GRIA1: variants seen among roughly 807,000 people sequenced by gnomAD.
GRIA1 encodes the protein glutamate receptor 1.
In GRIA1, 31 loss-of-function variants were observed where a neutral mutation model predicts 99.2. The ratio of observed to expected loss-of-function variants is 0.31; its 90% CI spans 0.23 to 0.42. GRIA1 has a LOEUF of 0.42. GRIA1 is among the 10% of genes least tolerant of loss of function. The pLI is 1.00. For synonymous variants in GRIA1, 438 were observed against 432.4 expected, an observed-to-expected ratio of 1.01 and a Z score of -0.16; for missense variants, 782 against 1,157.5, an observed-to-expected ratio of 0.68 and a Z score of 4.71.
chr5:153,517,433 G>A (rs150309043), intron 2 of GRIA1, among the ~76,000 whole-genome samples: 22 of 152,260 alleles, frequency 1.4e-4, no homozygotes, highest in Non-Finnish European at 2.5e-4. Flanking sequence ...GCACAGCTTT[G>A]GAAATCAGGG....
intron 10 of GRIA1, among the ~76,000 whole-genome samples, chr5:153,700,555 A>C (rs1758441500): frequency 6.6e-6 from 1 of 152,206 alleles, no homozygotes; most frequent in Non-Finnish European, 1.5e-5. Flanking sequence ...TGAGTAAAAA[A>C]TAGCAAGAGG....
At chr5:153,563,330 G>C (rs1761322066) in intron 2 of GRIA1, among the ~76,000 whole-genome samples, 1 of 152,180 alleles carries the variant, frequency 6.6e-6, no homozygotes, top group Admixed American at 6.5e-5. Context: ...TTCTGATTCT[G>C]ATGTGAGATA....
chr5:153,674,639 G>C lies in GRIA1; in HGVS notation c.839G>C (p.Arg280Pro). The C allele has an allele frequency of 1.2e-6, 2 of 1,614,080 alleles. No homozygotes were observed. Among genetic ancestry groups the C allele is most frequent in the Middle Eastern group, 1.7e-4 (1 of 6,060 alleles). Residue 280 changes from arginine (R) to proline (P), a missense_variant, in exon 6 of 16, where the codon CGG (arginine) becomes CCG (proline). Transcript: ENST00000285900. ...AATAGTGATGCTCGAGACCACACAC[G>C]GGTGGACTGGAAGAGACCCAAGGTG... ...WKNSDARDHT[R>P]VDWKRPKYTS...
intron 2 of GRIA1, among the ~76,000 whole-genome samples, chr5:153,563,132 T>A (rs1761290236): frequency 6.7e-6 from 1 of 149,344 alleles, no homozygotes; most frequent in Non-Finnish European, 1.5e-5. Flanking sequence ...GCCAAGACTG[T>A]GCCACTGCAC....
intron 8 of GRIA1, among the ~76,000 whole-genome samples, chr5:153,688,577 T>G (rs11955821): frequency 0.17 from 25,800 of 152,120 alleles, 2,477 homozygotes; most frequent in African/African-American, 0.25. Context: ...TGTTGAAGAG[T>G]TAGCACACGG....
At chr5:153,652,541 GAGCC>G (rs758736880) in intron 4 of GRIA1, among the ~76,000 whole-genome samples, 19 of 152,170 alleles carry the variant, frequency 1.2e-4, no homozygotes, top group Non-Finnish European at 2.2e-4. Flanking sequence ...TCTGGCCAAA[GAGCC>G]TAGCTTCTTA....
chr5:153,557,425 T>C (rs1259263932), intron 2 of GRIA1, among the ~76,000 whole-genome samples: 1 of 152,170 alleles, frequency 6.6e-6, no homozygotes, highest in Non-Finnish European at 1.5e-5. Context: ...CCCCCATGTC[T>C]GGCTAATTTC....
At chr5:153,537,410 T>G (rs1758681680) in intron 2 of GRIA1, among the ~76,000 whole-genome samples, 1 of 152,024 alleles carries the variant, frequency 6.6e-6, no homozygotes, top group Non-Finnish European at 1.5e-5. Context: ...CATTCTTCAT[T>G]CTCCGCATGT....
At chr5:153,790,664 T>TTC (rs370320723) in intron 13 of GRIA1, among the ~76,000 whole-genome samples, 1 of 152,306 alleles carries the variant, frequency 6.6e-6, no homozygotes, top group African/African-American at 2.4e-5. Context: ...TCCTTCCTAT[T>TTC]TCTTTGATTA....
chr5:153,516,142 C>A (rs1756608324), intron 2 of GRIA1, among the ~76,000 whole-genome samples: 1 of 152,098 alleles, frequency 6.6e-6, no homozygotes, highest in Non-Finnish European at 1.5e-5. Context: ...ATCACTTGAA[C>A]CTGGGAGGCA....
intron 14 of GRIA1, among the ~76,000 whole-genome samples, chr5:153,800,936 T>A (rs1369715974): frequency 6.6e-6 from 1 of 152,226 alleles, no homozygotes; most frequent in African/African-American, 2.4e-5. Flanking sequence ...GGCCACATCC[T>A]ATCCTATGCC....
chr5:153,504,318 G>GAT lies in GRIA1; in HGVS notation c.220+10266_220+10267dup, dbSNP rs60461919. Among the ~76,000 whole-genome samples the GAT allele has an allele frequency of 9.4e-3, 1,396 of 149,232 alleles. 24 individuals are homozygous for GAT. The highest frequency in any genetic ancestry group is 0.031 in the African/African-American group (1,250 of 40,514). ...GATTGAATGCTTGAGAGGCAAAATA[G>GAT]ATATATATATATATTTTTGTCTATT... On this transcript the variant is annotated intron_variant, in intron 2 of 15. Coordinates refer to ENST00000285900, the MANE Select transcript of GRIA1 (RefSeq NM_000827.4).
At chr5:153,750,462 C>G (rs900098533) in intron 11 of GRIA1, among the ~76,000 whole-genome samples, 1 of 152,114 alleles carries the variant, frequency 6.6e-6, no homozygotes, top group Admixed American at 6.5e-5. Flanking sequence ...TTGGGGATGA[C>G]ACGACGTGTT....
In GRIA1 at chr5:153,491,953, CA is replaced by C. The variant is rs201565283; in HGVS notation, c.82+985del. Reference sequence around the variant, plus strand: ...GCAAAACAAACAGAAGCAATAACACCAATCACAAAGCATGTCCACAAGGGCT... The same window carrying C: ...GCAAAACAAACAGAAGCAATAACACCATCACAAAGCATGTCCACAAGGGCT... On this transcript the variant is annotated intron_variant, in intron 1 of 15. Coordinates refer to ENST00000285900, the MANE Select transcript of GRIA1 (RefSeq NM_000827.4). Among the ~76,000 whole-genome samples, 913 of 152,252 alleles carry C rather than the reference CA, an allele frequency of 6.0e-3. 4 individuals are homozygous for C. The highest frequency in any genetic ancestry group is 0.021 in the African/African-American group (872 of 41,528).
In GRIA1 at chr5:153,514,054, T is replaced by C. The variant is rs150572677; in HGVS notation, c.220+19989T>C. On this transcript the variant is annotated intron_variant, in intron 2 of 15. Coordinates refer to ENST00000285900, the MANE Select transcript of GRIA1 (RefSeq NM_000827.4). ...TGGCTATGCTGGCCTAAAAAACTTC[T>C]AGACACCCTTGATGACCCAAATGAA... 4.7e-3 allele frequency among the ~76,000 whole-genome samples: 722 copies of C among 152,334 alleles called. 4 individuals carry two copies. The highest frequency in any genetic ancestry group is 0.019 in the South Asian group (93 of 4,824).
chr5:153,649,445 TTAG>T (rs1561727631), intron 3 of GRIA1, among the ~76,000 whole-genome samples: 409 of 130,310 alleles, frequency 3.1e-3, no homozygotes, highest in African/African-American at 0.011. Context: ...ATTTATTTAG[TTAG>T]TTAGTTAGTT....
At chr5:153,711,358 T>C (rs1235516815) in intron 11 of GRIA1, among the ~76,000 whole-genome samples, 3 of 152,146 alleles carry the variant, frequency 2.0e-5, no homozygotes, top group Non-Finnish European at 2.9e-5. Flanking sequence ...GAAATTAGAA[T>C]GATGGTCATC....
intron 2 of GRIA1, among the ~76,000 whole-genome samples, chr5:153,617,405 G>T (rs1017846110): frequency 8.5e-5 from 13 of 152,196 alleles, no homozygotes; most frequent in African/African-American, 3.1e-4. Flanking sequence ...GGGAATGTGG[G>T]CTGCTGGCTT....
intron 11 of GRIA1, among the ~76,000 whole-genome samples, chr5:153,706,653 T>C (rs1473016020): frequency 6.6e-6 from 1 of 152,188 alleles, no homozygotes; most frequent in Non-Finnish European, 1.5e-5. Context: ...GGGCCCTTTA[T>C]GCGGCTCTCA....
Sources: allele counts gnomAD v4.1 joint callset (sites outside exome capture counted in the v4.1 genomes callset), GRCh38; gene constraint gnomAD v4.1.1; transcripts MANE v1.5; gene names NCBI Gene and HGNC (gene_info 2026-07-23, HGNC 2026-07-21).